Variants in PIWIL4 observed in about 807,000 individuals in gnomAD.
PIWIL4 encodes the protein piwi like RNA-mediated gene silencing 4.
Under a neutral mutation model 100.9 loss-of-function variants are expected in PIWIL4, and 50 were observed. That is an observed-to-expected ratio of 0.50 (90% confidence interval 0.39 to 0.63). PIWIL4 has a LOEUF of 0.63. Ranked by LOEUF, PIWIL4 falls within the 20% of genes least tolerant of loss-of-function variation. The pLI, the probability that PIWIL4 is intolerant of heterozygous loss-of-function variation, is 0.00. For synonymous variants in PIWIL4, 342 were observed against 367.5 expected, an observed-to-expected ratio of 0.93 and a Z score of 0.79; for missense variants, 887 against 1,043.3, an observed-to-expected ratio of 0.85 and a Z score of 2.06.
In PIWIL4 at chr11:94,589,048, T is replaced by A. The variant is rs543637596; in HGVS notation, c.915-73T>A. ...TCTGGAGTCTATCTTATGTGTTGAA[T>A]TAAAAGTGTGGTGAAGTAGCTGCTT... On this transcript the variant is annotated intron_variant, in intron 7 of 19. Coordinates refer to ENST00000299001, the MANE Select transcript of PIWIL4 (RefSeq NM_152431.3). 2,192 of 1,042,844 alleles carry A rather than the reference T, an allele frequency of 2.1e-3. 3 individuals are homozygous for A. Among genetic ancestry groups the A allele is most frequent in the Non-Finnish European group, 2.7e-3 (1,851 of 693,608 alleles). 64.6% of individuals were successfully genotyped at this position (1,042,844 alleles called of 1,614,324 possible).
intron 5 of PIWIL4, among the ~76,000 whole-genome samples, chr11:94,584,793 G>C (rs768839134): frequency 6.6e-6 from 1 of 152,162 alleles, no homozygotes; most frequent in Non-Finnish European, 1.5e-5. Flanking sequence ...CGGCTGGGCC[G>C]GTGGCTCACA....
intron 12 of PIWIL4, among the ~76,000 whole-genome samples, 198 bp from the exon 13 acceptor site, chr11:94,603,786 A>G (rs995665882): frequency 6.6e-6 from 1 of 152,224 alleles, no homozygotes; most frequent in Non-Finnish European, 1.5e-5. Flanking sequence ...TTTACACTGT[A>G]AAAATTATTG....
In PIWIL4 at chr11:94,583,558, C is replaced by A. The variant is rs906820659; in HGVS notation, c.624C>A (p.Ile208=). Residue 208 remains isoleucine (I), a synonymous_variant, in exon 5 of 20, where the codon ATC becomes ATA. Coordinates refer to ENST00000299001, the MANE Select transcript of PIWIL4 (RefSeq NM_152431.3). ...CCGTGTGCATCCAGGTCTTCAATAT[C>A]ATCTTCAGAAAGTAAGGCACTGGAA... ...SSPVCIQVFN[I]IFRKILKKLS... is the part of the protein sequence containing the mutation. 9.3e-6 allele frequency: 15 copies of A among 1,613,912 alleles called. No individual in the cohort carries two copies. Among genetic ancestry groups the A allele is most frequent in the East Asian group, 2.2e-5 (1 of 44,894 alleles).
intron 15 of PIWIL4, among the ~76,000 whole-genome samples, chr11:94,610,960 A>C (rs1446763015): frequency 6.6e-6 from 1 of 152,144 alleles, no homozygotes; most frequent in Non-Finnish European, 1.5e-5. Flanking sequence ...TGTATATGGT[A>C]TAAGGGTCCA....
chr11:94,570,082 C>T (rs1382168560), intron 2 of PIWIL4, among the ~76,000 whole-genome samples: 1 of 152,130 alleles, frequency 6.6e-6, no homozygotes, highest in Non-Finnish European at 1.5e-5. Context: ...TTCTTCCCCT[C>T]CTGTGGTAAA....
chr11:94,593,878 AAC>A (rs1948519873), intron 9 of PIWIL4, among the ~76,000 whole-genome samples: 5 of 152,182 alleles, frequency 3.3e-5, no homozygotes, highest in African/African-American at 9.7e-5. Context: ...ATCATCCTAA[AAC>A]CAAGTTTCTC....
At chr11:94,603,277 C>A (rs541136409) in intron 12 of PIWIL4, among the ~76,000 whole-genome samples, 1 of 152,040 alleles carries the variant, frequency 6.6e-6, no homozygotes, top group South Asian at 2.1e-4. Context: ...ACCTGCTGGG[C>A]GAGTTTTAAA....
At chr11:94,599,133 A>G (rs978790144) in intron 11 of PIWIL4, among the ~76,000 whole-genome samples, 38 of 152,260 alleles carry the variant, frequency 2.5e-4, no homozygotes, top group African/African-American at 8.4e-4. Context: ...GTAGACTCCC[A>G]TTAGGATCTT....
intron 7 of PIWIL4, among the ~76,000 whole-genome samples, chr11:94,588,872 T>C (rs1948440997): frequency 2.6e-5 from 4 of 152,264 alleles, no homozygotes; most frequent in Admixed American, 1.3e-4. Flanking sequence ...AACTAGACTG[T>C]GGTCTAAGGA....
intron 4 of PIWIL4, among the ~76,000 whole-genome samples, chr11:94,578,808 A>G (rs989530298): frequency 2.0e-5 from 3 of 152,172 alleles, no homozygotes; most frequent in African/African-American, 4.8e-5. Context: ...GTTTTTTCAT[A>G]ATACATATTT....
chr11:94,574,536 C>G (rs1948210559), intron 2 of PIWIL4, among the ~76,000 whole-genome samples: 2 of 152,310 alleles, frequency 1.3e-5, no homozygotes, highest in African/African-American at 4.8e-5. Context: ...GGGTCTCGCC[C>G]TGTCGCCCAG....
intron 15 of PIWIL4, among the ~76,000 whole-genome samples, chr11:94,612,428 G>A (rs1939142): frequency 0.14 from 21,395 of 150,798 alleles, 1,560 homozygotes; most frequent in Middle Eastern, 0.23. Flanking sequence ...TTCAATCTAT[G>A]TGTGTCCTTA....
chr11:94,575,182 G>A, intron 3 of PIWIL4, 52 bp downstream of exon 3: 1 of 1,569,888 alleles, frequency 6.4e-7, no homozygotes, highest in Non-Finnish European at 8.7e-7. Context: ...TCTTGCTTAA[G>A]GACTTCCAAA....
intron 15 of PIWIL4, among the ~76,000 whole-genome samples, chr11:94,616,162 A>G (rs1948843808): frequency 1.3e-5 from 2 of 152,240 alleles, no homozygotes; most frequent in Non-Finnish European, 2.9e-5. Context: ...CCTATGAGGT[A>G]GTAACTAATC....
chr11:94,589,982 A>G (rs1029633442), intron 8 of PIWIL4, among the ~76,000 whole-genome samples: 1 of 152,218 alleles, frequency 6.6e-6, no homozygotes, highest in Non-Finnish European at 1.5e-5. Flanking sequence ...CGCATTTGCA[A>G]CAGTTATCCT....
intron 13 of PIWIL4, among the ~76,000 whole-genome samples, chr11:94,604,730 AG>A (rs1948693022): frequency 1.3e-5 from 2 of 152,204 alleles, no homozygotes; most frequent in South Asian, 4.1e-4. Flanking sequence ...AGGCTATTGT[AG>A]GGCTTTTCCT....
In PIWIL4 at chr11:94,620,941, C is replaced by T. The variant is rs755186651; in HGVS notation, c.2508C>T (p.Ser836=). 4.2e-5 allele frequency: 67 copies of T among 1,613,726 alleles called. No individual in the cohort carries two copies. Among genetic ancestry groups the T allele is most frequent in the Non-Finnish European group, 5.6e-5 (66 of 1,179,966 alleles). The part of the protein sequence containing the change: ...AHKLTFLVAQ[S]IHKEPSLELA... Reference sequence around the variant, plus strand: ...AGCTGACCTTTCTGGTGGCACAAAGCATTCATAAAGAACCCAGTCTGGAAT... The same window carrying T: ...AGCTGACCTTTCTGGTGGCACAAAGTATTCATAAAGAACCCAGTCTGGAAT... The change falls in exon 20 of 20, where the codon AGC becomes AGT. Residue 836 remains serine (S), a synonymous_variant. Transcript: ENST00000299001.
At position 94,595,366 on chromosome 11, in the gene PIWIL4, C is replaced by G. The variant is rs994041528; in HGVS notation, c.1208C>G (p.Thr403Arg). 6.2e-7 allele frequency: 1 copy of G among 1,614,038 alleles called. No individual in the cohort carries two copies. Among genetic ancestry groups the G allele is most frequent in the Non-Finnish European group, 8.5e-7 (1 of 1,179,900 alleles). The change falls in exon 10 of 20, where the codon ACA becomes AGA. Residue 403 changes from threonine to arginine, a missense_variant. Physicochemically the swap from Thr to Arg is moderately conservative, Grantham distance 71. Around this residue, in one of 2 missense-constraint regions of PIWIL4, gnomAD observed 741 missense variants for 930.0 expected, o/e 0.80. Transcript: ENST00000299001. Reference protein sequence around the residue: ...FQLMKAVAEKTRLSPSGRQQR... With the variant: ...FQLMKAVAEKRRLSPSGRQQR... ...CTGATGAAGGCTGTGGCTGAAAAGA[C>G]ACGTCTCAGTCCTTCAGGCCGGCAG... is the stretch of plus-strand genomic sequence containing the variant.
intron 15 of PIWIL4, among the ~76,000 whole-genome samples, chr11:94,611,661 G>A (rs945337040): frequency 6.6e-6 from 1 of 152,114 alleles, no homozygotes; most frequent in Non-Finnish European, 1.5e-5. Context: ...GGTAATGAGT[G>A]AGTTCTTGTT....
Sources: gnomAD v4.1 joint callset for allele counts (sites outside exome capture counted in the v4.1 genomes callset) on GRCh38, gnomAD v4.1.1 for gene constraint, gnomAD v4.1.1 regional missense constraint, MANE v1.5 for transcripts, NCBI Gene and HGNC (gene_info 2026-07-23, HGNC 2026-07-21) for gene names.